Variants in CFAP95 observed in about 807,000 individuals in gnomAD.
CFAP95 encodes cilia and flagella associated protein 95.
At chr9:69,901,253 T>G in the CFAP95 span, among the ~76,000 whole-genome samples, 1 of 151,428 alleles carries the variant, frequency 6.6e-6, no homozygotes, top group Non-Finnish European at 1.5e-5. Context: ...TTCTCCTGCC[T>G]CAGCCTCCCG....
At chr9:69,841,197 T>TATATATATA in the CFAP95 span, among the ~76,000 whole-genome samples, 40 of 131,466 alleles carry the variant, frequency 3.0e-4, no homozygotes, top group Non-Finnish European at 3.8e-4. Context: ...TATATATATA[T>TATATATATA]TTCTGATTTA....
the CFAP95 span, among the ~76,000 whole-genome samples, chr9:69,835,723 T>C: frequency 6.6e-6 from 1 of 152,204 alleles, no homozygotes; most frequent in Admixed American, 6.5e-5. Flanking sequence ...ATAATCCGTG[T>C]CTAAGAAGCT....
At chr9:69,844,954 A>G in the CFAP95 span, among the ~76,000 whole-genome samples, 2 of 152,166 alleles carry the variant, frequency 1.3e-5, no homozygotes, top group African/African-American at 2.4e-5. Context: ...TCACCTCCAC[A>G]ATAACCCTGC....
At chr9:69,893,990 T>C in the CFAP95 span, among the ~76,000 whole-genome samples, 4 of 152,140 alleles carry the variant, frequency 2.6e-5, no homozygotes, top group African/African-American at 7.2e-5. Context: ...GGGGGTAGAA[T>C]TGGAGAGGAG....
chr9:69,900,205 T>C, the CFAP95 span, among the ~76,000 whole-genome samples: 1 of 152,092 alleles, frequency 6.6e-6, no homozygotes, highest in Non-Finnish European at 1.5e-5. Flanking sequence ...TGAGGTGGTA[T>C]TGGGGACCCC....
chr9:69,895,363 C>CTGTGTGTGTG, the CFAP95 span, among the ~76,000 whole-genome samples: 58 of 90,212 alleles, frequency 6.4e-4, no homozygotes, highest in East Asian at 5.0e-3. Flanking sequence ...CTCTCTCTCT[C>CTGTGTGTGTG]TCTCTCTGTG....
chr9:69,881,512 C>T, the CFAP95 span, among the ~76,000 whole-genome samples: 2 of 152,206 alleles, frequency 1.3e-5, no homozygotes, highest in South Asian at 4.1e-4. Context: ...TATTCTGTTC[C>T]ATTGGTCTGT....
the CFAP95 span, among the ~76,000 whole-genome samples, chr9:69,841,889 T>A: frequency 6.6e-6 from 1 of 152,066 alleles, no homozygotes; most frequent in East Asian, 1.9e-4. Context: ...TTCAATTACC[T>A]CCCACAGGGT....
chr9:69,857,479 T>C, the CFAP95 span, among the ~76,000 whole-genome samples: 1 of 152,222 alleles, frequency 6.6e-6, no homozygotes, highest in East Asian at 1.9e-4. Flanking sequence ...ACATGAAAAC[T>C]CTTTAAAAAG....
At chr9:69,906,206 A>G in the CFAP95 span, 2 of 1,265,932 alleles carry the variant, frequency 1.6e-6, no homozygotes, top group Admixed American at 4.7e-5. Context: ...TTTCTATCTT[A>G]ATAAATGCAA....
At chr9:69,861,125 A>G in the CFAP95 span, among the ~76,000 whole-genome samples, 2 of 152,374 alleles carry the variant, frequency 1.3e-5, no homozygotes, top group Non-Finnish European at 2.9e-5. Flanking sequence ...CTGCCAGCAC[A>G]GTAGTCTTGT....
At chr9:69,837,143 G>A in the CFAP95 span, among the ~76,000 whole-genome samples, 5 of 152,002 alleles carry the variant, frequency 3.3e-5, no homozygotes, top group African/African-American at 9.7e-5. Context: ...TTGGACATTC[G>A]GGTTGGTTCC....
chr9:69,878,890 T>G, the CFAP95 span, among the ~76,000 whole-genome samples: 1 of 152,252 alleles, frequency 6.6e-6, no homozygotes, highest in Non-Finnish European at 1.5e-5. Context: ...CAGCTTTTAC[T>G]CATGGCAGAA....
the CFAP95 span, among the ~76,000 whole-genome samples, chr9:69,845,403 T>C: frequency 1.3e-5 from 2 of 151,956 alleles, no homozygotes; most frequent in Non-Finnish European, 2.9e-5. Context: ...TTGATGAGGG[T>C]GGTCGTACAG....
At chr9:69,873,037 C>T in the CFAP95 span, among the ~76,000 whole-genome samples, 6 of 152,108 alleles carry the variant, frequency 3.9e-5, no homozygotes, top group African/African-American at 1.2e-4. Flanking sequence ...TATCCCTGCT[C>T]TGGAAGGAAT....
chr9:69,841,164 T>TCATATATATATATATATATA, the CFAP95 span, among the ~76,000 whole-genome samples: 1 of 56,078 alleles, frequency 1.8e-5, no homozygotes, highest in Non-Finnish European at 3.6e-5. Context: ...CCAAGCTGGA[T>TCATATATATATATATATATA]TATATATATA....
chr9:69,867,419 T>C, the CFAP95 span, among the ~76,000 whole-genome samples: 2 of 152,172 alleles, frequency 1.3e-5, no homozygotes, highest in Non-Finnish European at 2.9e-5. Flanking sequence ...AAAGTCAGGT[T>C]TCTCTGTAGT....
the CFAP95 span, among the ~76,000 whole-genome samples, chr9:69,896,637 A>G: frequency 6.6e-6 from 1 of 152,250 alleles, no homozygotes; most frequent in Non-Finnish European, 1.5e-5. Context: ...AATACATAAG[A>G]ATATATCCCA....
chr9:69,854,052 A>T, the CFAP95 span, among the ~76,000 whole-genome samples: 2 of 152,252 alleles, frequency 1.3e-5, no homozygotes, highest in Non-Finnish European at 2.9e-5. Context: ...CCAGGCACCC[A>T]GCTAAAGTTT....
Sources: allele counts gnomAD v4.1 joint callset (sites outside exome capture counted in the v4.1 genomes callset), GRCh38; gene constraint gnomAD v4.1.1; transcripts MANE v1.5; gene names NCBI Gene and HGNC (gene_info 2026-07-23, HGNC 2026-07-21).